CACNA2D3: variants seen among roughly 807,000 people sequenced by gnomAD.
CACNA2D3 encodes calcium voltage-gated channel auxiliary subunit alpha2delta 3.
CACNA2D3 carries 60 observed loss-of-function variants against 160.6 expected under a neutral mutation model. The ratio of observed to expected loss-of-function variants is 0.37; its 90% confidence interval spans 0.30 to 0.46. CACNA2D3 has a LOEUF of 0.46. CACNA2D3 is among the 20% of genes least tolerant of loss of function. The pLI is 1.00. For synonymous variants in CACNA2D3, 558 were observed against 492.9 expected (o/e 1.13, Z -1.75); for missense variants, 1,205 against 1,365.0 (o/e 0.88, Z 1.85).
intron 2 of CACNA2D3, among the ~76,000 whole-genome samples, chr3:54,147,330 C>T (rs1700050893): frequency 6.6e-6 from 1 of 152,198 alleles, no homozygotes; most frequent in East Asian, 1.9e-4. Flanking sequence ...GAAGCGTTGG[C>T]TCTTCTGACT....
At chr3:54,923,476 G>C (rs1243239535) in intron 27 of CACNA2D3, among the ~76,000 whole-genome samples, 1 of 152,002 alleles carries the variant, frequency 6.6e-6, no homozygotes, top group Non-Finnish European at 1.5e-5. Context: ...TCAAAAATGA[G>C]ACCCACATTC....
At chr3:54,321,977 T>G (rs567177844) in intron 3 of CACNA2D3, among the ~76,000 whole-genome samples, 2 of 147,158 alleles carry the variant, frequency 1.4e-5, no homozygotes, top group East Asian at 4.0e-4. Context: ...GAGGGGGACA[T>G]ATTATTTTAG....
At chr3:54,890,392 G>A (rs140814171) in intron 24 of CACNA2D3, among the ~76,000 whole-genome samples, 3,853 of 151,584 alleles carry the variant, frequency 0.025, 131 homozygotes, top group African/African-American at 0.075. Context: ...GCTACTCGGG[G>A]GGCTGAGGCA....
intron 16 of CACNA2D3, among the ~76,000 whole-genome samples, chr3:54,840,097 T>C (rs1205645275): frequency 6.6e-6 from 1 of 152,078 alleles, no homozygotes; most frequent in Non-Finnish European, 1.5e-5. Flanking sequence ...TAGAGAACTT[T>C]TCCAAACAAT....
chr3:54,695,585 C>A (rs758641092), intron 11 of CACNA2D3, among the ~76,000 whole-genome samples: 4 of 152,144 alleles, frequency 2.6e-5, no homozygotes, highest in Non-Finnish European at 4.4e-5. Context: ...CTTCCCCTTA[C>A]CTGCTAGTTG....
intron 2 of CACNA2D3, among the ~76,000 whole-genome samples, chr3:54,272,121 G>A (rs979079279): frequency 5.3e-5 from 8 of 152,178 alleles, no homozygotes; most frequent in Admixed American, 2.0e-4. Flanking sequence ...ATATCCATGG[G>A]CTACAGCTGG....
chr3:54,906,083 A>G (rs904828280), intron 27 of CACNA2D3, among the ~76,000 whole-genome samples: 1 of 152,088 alleles, frequency 6.6e-6, no homozygotes, highest in African/African-American at 2.4e-5. Context: ...CCCAATGAAG[A>G]ATTGTTCCAC....
intron 3 of CACNA2D3, among the ~76,000 whole-genome samples, chr3:54,321,236 C>T (rs1434349096): frequency 6.6e-6 from 1 of 152,012 alleles, no homozygotes; most frequent in Admixed American, 6.6e-5. Context: ...AGGAGAATTG[C>T]TTGAACCCAG....
intron 11 of CACNA2D3, among the ~76,000 whole-genome samples, chr3:54,643,829 G>C (rs1699577845): frequency 6.6e-6 from 1 of 152,178 alleles, no homozygotes; most frequent in Admixed American, 6.5e-5. Flanking sequence ...TAAGAGGGAG[G>C]CTCCAGTATA....
intron 4 of CACNA2D3, among the ~76,000 whole-genome samples, chr3:54,494,897 C>T (rs867277307): frequency 1.3e-5 from 2 of 152,170 alleles, no homozygotes; most frequent in Non-Finnish European, 2.9e-5. Context: ...CATGAGAATT[C>T]ACTGACTGTC....
At chr3:54,233,942 G>T (rs2107396955) in intron 2 of CACNA2D3, among the ~76,000 whole-genome samples, 1 of 152,070 alleles carries the variant, frequency 6.6e-6, no homozygotes, top group South Asian at 2.1e-4. Context: ...GACAACCTGG[G>T]CATTCATCCT....
chr3:54,670,858 C>T (rs1700147266), intron 11 of CACNA2D3, among the ~76,000 whole-genome samples: 1 of 152,116 alleles, frequency 6.6e-6, no homozygotes, highest in Non-Finnish European at 1.5e-5. Context: ...CTGGGAATGG[C>T]TACTGAGCAG....
At chr3:54,245,080 C>G (rs1470471073) in intron 2 of CACNA2D3, among the ~76,000 whole-genome samples, 1 of 152,150 alleles carries the variant, frequency 6.6e-6, no homozygotes, top group East Asian at 1.9e-4. Context: ...CACCTGTTGT[C>G]ATAATTATTA....
At chr3:54,272,540 A>G (rs1200473884) in intron 2 of CACNA2D3, among the ~76,000 whole-genome samples, 2 of 151,970 alleles carry the variant, frequency 1.3e-5, no homozygotes, top group East Asian at 3.9e-4. Flanking sequence ...CATTAAACCT[A>G]TTGTGGGGTT....
At chr3:54,199,470 C>A (rs1467417643) in intron 2 of CACNA2D3, among the ~76,000 whole-genome samples, 1 of 152,138 alleles carries the variant, frequency 6.6e-6, no homozygotes, top group Non-Finnish European at 1.5e-5. Context: ...CTCAAGCGAT[C>A]CCCAGCCTCC....
At chr3:54,510,305 C>A (rs546902280) in intron 5 of CACNA2D3, among the ~76,000 whole-genome samples, 2 of 152,188 alleles carry the variant, frequency 1.3e-5, no homozygotes, top group Admixed American at 1.3e-4. Context: ...TACTTACCAA[C>A]AGCCATGCTC....
chr3:54,132,299 C>CA (rs2107254911), intron 2 of CACNA2D3, among the ~76,000 whole-genome samples: 1 of 152,342 alleles, frequency 6.6e-6, no homozygotes, highest in African/African-American at 2.4e-5. Flanking sequence ...CACACCAACT[C>CA]AGACAACACA....
chr3:54,629,185 G>T (rs1333576755), intron 10 of CACNA2D3, among the ~76,000 whole-genome samples: 1 of 152,000 alleles, frequency 6.6e-6, no homozygotes, highest in Non-Finnish European at 1.5e-5. Context: ...GACCAGCAGA[G>T]ACTCCCAAGG....
chr3:54,609,459 C>T (rs564629540), intron 9 of CACNA2D3, among the ~76,000 whole-genome samples: 3 of 152,268 alleles, frequency 2.0e-5, no homozygotes, highest in South Asian at 4.1e-4. Flanking sequence ...CATCAAGTGA[C>T]AAGGATGGCT....
Sources: allele counts gnomAD v4.1 joint callset (sites outside exome capture counted in the v4.1 genomes callset), GRCh38; gene constraint gnomAD v4.1.1; transcripts MANE v1.5; gene names NCBI Gene and HGNC (gene_info 2026-07-23, HGNC 2026-07-21).